The following VTI1A variants were observed in gnomAD, a reference collection of about 807,000 sequenced individuals.
VTI1A encodes the protein vesicle transport through interaction with t-SNAREs homolog 1A.
Under a neutral mutation model 34.9 loss-of-function variants are expected in VTI1A, and 22 were observed. That is an observed-to-expected ratio of 0.63 (90% CI 0.45 to 0.90). The LOEUF (loss-of-function observed/expected upper bound fraction) is 0.90. Ranked by LOEUF, VTI1A falls within the 40% of genes least tolerant of loss-of-function variation. The pLI, the probability that VTI1A is intolerant of heterozygous loss-of-function variation, is 0.00. For synonymous variants in VTI1A, 87 were observed against 97.3 expected (o/e 0.89, Z 0.62); for missense variants, 268 against 275.6 (o/e 0.97, Z 0.20).
At chr10:112,584,509 G>T (rs1377205217) in intron 5 of VTI1A, among the ~76,000 whole-genome samples, 1 of 152,170 alleles carries the variant, frequency 6.6e-6, no homozygotes, top group African/African-American at 2.4e-5. Flanking sequence ...TGACTACTGG[G>T]CATCGCTCGC....
intron 1 of VTI1A, among the ~76,000 whole-genome samples, chr10:112,456,663 C>G (rs1012979589): frequency 6.6e-6 from 1 of 152,266 alleles, no homozygotes; most frequent in Non-Finnish European, 1.5e-5. Context: ...TCTATCTACT[C>G]AATTTCCTAT....
rs568681164 is a variant in VTI1A, at chr10:112,818,733, G to A, written c.*3350G>A. On this transcript the variant is annotated 3_prime_UTR_variant, in exon 8 of 8. Transcript: ENST00000393077. ...CATTAACAAATTGCATTAAACAACT[G>A]TTAAGGGCTAATGATTTGTTTATCG... 73 of 195,144 alleles carry A rather than the reference G, an allele frequency of 3.7e-4. No individual in the cohort carries two copies. Among genetic ancestry groups the A allele is most frequent in the Non-Finnish European group, 4.6e-4 (43 of 93,744 alleles). 12.1% of individuals were successfully genotyped at this position (195,144 alleles called of 1,614,324 possible). A position where few individuals can be genotyped will look rare whatever the true frequency, so the allele number is the denominator to read the frequency against.
At chr10:112,515,789 T>C (rs992782007) in intron 3 of VTI1A, among the ~76,000 whole-genome samples, 4 of 152,056 alleles carry the variant, frequency 2.6e-5, no homozygotes, top group Admixed American at 2.6e-4. Context: ...TGTTTATTAG[T>C]ATTAGGCATA....
intron 7 of VTI1A, among the ~76,000 whole-genome samples, chr10:112,762,059 A>C (rs1851487739): frequency 6.6e-6 from 1 of 152,186 alleles, no homozygotes; most frequent in African/African-American, 2.4e-5. Flanking sequence ...TTCATTTACT[A>C]GATTTTATTT....
At chr10:112,451,411 T>C (rs1847234822) in intron 1 of VTI1A, among the ~76,000 whole-genome samples, 1 of 152,254 alleles carries the variant, frequency 6.6e-6, no homozygotes, top group South Asian at 2.1e-4. Context: ...CTCTTCAGAC[T>C]TTGTCATGTT....
At chr10:112,509,580 A>G (rs137912318) in intron 3 of VTI1A, among the ~76,000 whole-genome samples, 265 of 152,342 alleles carry the variant, frequency 1.7e-3, no homozygotes, top group Middle Eastern at 6.8e-3. Flanking sequence ...CTCTGGGTCT[A>G]ACTGGGGCTA....
intron 7 of VTI1A, among the ~76,000 whole-genome samples, chr10:112,719,470 C>T (rs1849720486): frequency 3.3e-5 from 5 of 151,966 alleles, no homozygotes. Context: ...ATATAATGCG[C>T]CCATTTAAAA....
the VTI1A span, among the ~76,000 whole-genome samples, chr10:112,830,865 T>A: frequency 1.4e-5 from 1 of 73,380 alleles, no homozygotes; most frequent in African/African-American, 4.9e-5. Context: ...TTTTTTTTTC[T>A]TGTAGACAGG....
intron 5 of VTI1A, among the ~76,000 whole-genome samples, chr10:112,629,868 C>T (rs1846064159): frequency 6.6e-6 from 1 of 152,116 alleles, no homozygotes; most frequent in Non-Finnish European, 1.5e-5. Context: ...CTAAACATGC[C>T]ATATGCCATT....
rs1697785521 is a variant in VTI1A, at chr10:112,563,924, T to G, written c.427+25594T>G. Among the ~76,000 whole-genome samples the G allele has an allele frequency of 3.3e-5, 5 of 152,160 alleles. 2 individuals are homozygous for G. In the South Asian group the frequency reaches 1.0e-3, roughly 32 times the overall value. On this transcript the variant is annotated intron_variant, in intron 5 of 7. Transcript: ENST00000393077. Reference sequence around the variant, plus strand: ...TCATGGCAAGGTATAGCATATTACTTCAGTTCTCAAATTTAATATTTTAGC... The same window carrying G: ...TCATGGCAAGGTATAGCATATTACTGCAGTTCTCAAATTTAATATTTTAGC...
At chr10:112,522,877 T>C (rs1358397517) in intron 3 of VTI1A, among the ~76,000 whole-genome samples, 1 of 152,098 alleles carries the variant, frequency 6.6e-6, no homozygotes, top group African/African-American at 2.4e-5. Flanking sequence ...ATGATAACAT[T>C]GTATTAAATT....
intron 7 of VTI1A, among the ~76,000 whole-genome samples, chr10:112,717,060 C>T (rs1849635876): frequency 6.6e-6 from 1 of 152,164 alleles, no homozygotes; most frequent in South Asian, 2.1e-4. Flanking sequence ...TGCCGTTGCA[C>T]CTCTGCTGCC....
chr10:112,752,327 C>T (rs1259249325), intron 7 of VTI1A: 1 of 979,666 alleles, frequency 1.0e-6, no homozygotes, highest in Non-Finnish European at 1.2e-6. Context: ...CCATTTTGTC[C>T]TCTGATCCCC....
intron 7 of VTI1A, among the ~76,000 whole-genome samples, chr10:112,674,845 A>G (rs1408797582): frequency 6.6e-6 from 1 of 152,208 alleles, no homozygotes; most frequent in Non-Finnish European, 1.5e-5. Context: ...AGGTTCCCAA[A>G]GGCCAGTTTG....
intron 5 of VTI1A, among the ~76,000 whole-genome samples, chr10:112,587,733 A>T (rs1262114373): frequency 1.3e-5 from 2 of 152,178 alleles, no homozygotes; most frequent in African/African-American, 4.8e-5. Context: ...GACTGGAATT[A>T]TAAAAATAGA....
rs144005339 is a variant in VTI1A at position 112,617,921 on chromosome 10, G to A, written c.428-50297G>A. Among the ~76,000 whole-genome samples the A allele has an allele frequency of 4.6e-3, 695 of 152,232 alleles. 7 individuals are homozygous for A. Among genetic ancestry groups the A allele is most frequent in the African/African-American group, 0.016 (646 of 41,528 alleles). On this transcript the variant is annotated intron_variant, in intron 5 of 7. Transcript: ENST00000393077. Reference sequence around the variant, plus strand: ...TGTAATCCCAGCACTTTGGGAGGCCGAGGTGGCTGGATTACCGAGGTCAGC... The same window carrying A: ...TGTAATCCCAGCACTTTGGGAGGCCAAGGTGGCTGGATTACCGAGGTCAGC...
chr10:112,475,053 G>C (rs1039473404), intron 3 of VTI1A, among the ~76,000 whole-genome samples: 2 of 152,168 alleles, frequency 1.3e-5, no homozygotes, highest in African/African-American at 4.8e-5. Context: ...TAAAAGGTTC[G>C]TGTTCTTGAC....
intron 7 of VTI1A, among the ~76,000 whole-genome samples, chr10:112,708,099 G>A (rs1239598403): frequency 6.6e-6 from 1 of 152,204 alleles, no homozygotes; most frequent in Non-Finnish European, 1.5e-5. Flanking sequence ...CATTGAAGAA[G>A]CTAAACACAA....
intron 7 of VTI1A, among the ~76,000 whole-genome samples, chr10:112,714,482 T>C (rs1849536964): frequency 6.6e-6 from 1 of 152,244 alleles, no homozygotes; most frequent in Non-Finnish European, 1.5e-5. Flanking sequence ...GGAGTTGGCA[T>C]AGAGTAAGGA....
Sources: allele counts gnomAD v4.1 joint callset (sites outside exome capture counted in the v4.1 genomes callset), GRCh38; gene constraint gnomAD v4.1.1; transcripts MANE v1.5; gene names NCBI Gene and HGNC (gene_info 2026-07-23, HGNC 2026-07-21).